Variants in LIN7A observed in about 807,000 individuals in gnomAD.
LIN7A encodes protein lin-7 homolog A.
In LIN7A, 25 loss-of-function variants were observed where a neutral mutation model predicts 29.8. The ratio of observed to expected loss-of-function variants is 0.84; its 90% confidence interval spans 0.61 to 1.17. The LOEUF (loss-of-function observed/expected upper bound fraction) is 1.17. Among genes scored for constraint, LIN7A ranks in the 50% most tolerant of loss-of-function variants. The pLI is 0.00. For missense variants in LIN7A, 239 were observed against 287.0 expected, an observed-to-expected ratio of 0.83 and a Z score of 1.21; for synonymous variants, 118 against 107.5, an observed-to-expected ratio of 1.10 and a Z score of -0.60.
intron 3 of LIN7A, among the ~76,000 whole-genome samples, chr12:80,846,974 A>C (rs10862202): frequency 0.41 from 62,265 of 152,078 alleles, 13,288 homozygotes; most frequent in East Asian, 0.68. Context: ...CAACGACTGT[A>C]CCTTCTTTTC....
intron 1 of LIN7A, among the ~76,000 whole-genome samples, chr12:80,891,496 G>T (rs190230142): frequency 1.3e-4 from 20 of 152,270 alleles, no homozygotes; most frequent in Admixed American, 1.1e-3. Context: ...TTTGGCACAT[G>T]TCATCACCTG....
intron 4 of LIN7A, among the ~76,000 whole-genome samples, chr12:80,820,564 C>A (rs1453327641): frequency 6.6e-6 from 1 of 151,626 alleles, no homozygotes; most frequent in Non-Finnish European, 1.5e-5. Context: ...ATAGTAACTG[C>A]TTGATCCTTG....
At chr12:80,924,860 T>G (rs971202399) in intron 1 of LIN7A, among the ~76,000 whole-genome samples, 3 of 152,226 alleles carry the variant, frequency 2.0e-5, no homozygotes, top group East Asian at 3.8e-4. Context: ...GAACTATCAC[T>G]GAATCTCAAA....
chr12:80,902,000 G>A (rs2120737840), intron 1 of LIN7A, among the ~76,000 whole-genome samples: 1 of 152,098 alleles, frequency 6.6e-6, no homozygotes, highest in East Asian at 1.9e-4. Flanking sequence ...CTACAGGGCA[G>A]TATAAAAGAT....
At chr12:80,876,844 G>A (rs77038508) in intron 2 of LIN7A, among the ~76,000 whole-genome samples, 8,205 of 152,136 alleles carry the variant, frequency 0.054, 250 homozygotes, top group Admixed American at 0.095. Flanking sequence ...ATTCTTGGCC[G>A]GGCGCGGTGG....
intron 1 of LIN7A, among the ~76,000 whole-genome samples, chr12:80,914,157 T>C (rs1876912878): frequency 6.6e-6 from 1 of 152,178 alleles, no homozygotes; most frequent in Non-Finnish European, 1.5e-5. Context: ...CAAGTTAAGA[T>C]CAGATCATAC....
intron 1 of LIN7A, among the ~76,000 whole-genome samples, chr12:80,915,465 G>T (rs189897930): frequency 2.0e-5 from 3 of 152,252 alleles, no homozygotes; most frequent in East Asian, 3.9e-4. Flanking sequence ...ATAGTTTGGG[G>T]GCTTCTCAAA....
At chr12:80,820,756 T>C (rs745756075) in intron 4 of LIN7A, among the ~76,000 whole-genome samples, 10 of 152,166 alleles carry the variant, frequency 6.6e-5, no homozygotes, top group Non-Finnish European at 1.5e-4. Context: ...TAAATCAGTC[T>C]ACTAATTCTT....
chr12:80,876,914 G>C (rs1467765355), intron 2 of LIN7A, among the ~76,000 whole-genome samples: 1 of 152,004 alleles, frequency 6.6e-6, no homozygotes, highest in Non-Finnish European at 1.5e-5. Context: ...CTGAGGTCAG[G>C]AGTTCGAGAC....
At chr12:80,919,993 G>A (rs1235035589) in intron 1 of LIN7A, among the ~76,000 whole-genome samples, 1 of 152,186 alleles carries the variant, frequency 6.6e-6, no homozygotes, top group Non-Finnish European at 1.5e-5. Flanking sequence ...CATGTGCACA[G>A]TGGAGCACCT....
chr12:80,867,975 G>A (rs1438164610), intron 2 of LIN7A, among the ~76,000 whole-genome samples: 1 of 152,038 alleles, frequency 6.6e-6, no homozygotes, highest in Non-Finnish European at 1.5e-5. Context: ...TATAGTTAAG[G>A]TTTAGAGTCC....
intron 4 of LIN7A, among the ~76,000 whole-genome samples, chr12:80,842,894 C>T (rs920239065): frequency 1.3e-5 from 2 of 152,048 alleles, no homozygotes; most frequent in Non-Finnish European, 2.9e-5. Flanking sequence ...TATAGTTTGA[C>T]TATATGAATG....
At chr12:80,866,813 C>T (rs541116985) in intron 2 of LIN7A, among the ~76,000 whole-genome samples, 2 of 152,232 alleles carry the variant, frequency 1.3e-5, no homozygotes, top group African/African-American at 4.8e-5. Context: ...CAGGTTTTTA[C>T]ACCTCTGGAA....
intron 1 of LIN7A, among the ~76,000 whole-genome samples, chr12:80,921,033 T>C (rs1877274617): frequency 6.6e-6 from 1 of 152,126 alleles, no homozygotes; most frequent in Non-Finnish European, 1.5e-5. Context: ...CCTGAATGTG[T>C]CCCTCCAAAA....
chr12:80,866,610 C>G (rs756077858), intron 2 of LIN7A, among the ~76,000 whole-genome samples: 5 of 152,158 alleles, frequency 3.3e-5, no homozygotes, highest in Non-Finnish European at 7.3e-5. Context: ...GGCTCCCACC[C>G]CAACATTCTG....
chr12:80,901,106 C>T (rs1224207667), intron 1 of LIN7A, among the ~76,000 whole-genome samples: 1 of 152,120 alleles, frequency 6.6e-6, no homozygotes, highest in Non-Finnish European at 1.5e-5. Context: ...ATGATGGGCA[C>T]TTAGGCACTA....
chr12:80,896,078 C>T (rs918313465), intron 1 of LIN7A, among the ~76,000 whole-genome samples: 6 of 152,114 alleles, frequency 3.9e-5, no homozygotes, highest in Admixed American at 3.9e-4. Flanking sequence ...ACTGGAATAA[C>T]CTATAGTGGT....
intron 2 of LIN7A, among the ~76,000 whole-genome samples, chr12:80,855,992 C>T (rs886111759): frequency 6.6e-6 from 1 of 151,978 alleles, no homozygotes; most frequent in African/African-American, 2.4e-5. Flanking sequence ...TTTCTATATG[C>T]TTTTGTAACT....
In LIN7A at chr12:80,794,692, T is replaced by C. The variant is rs1236011951; in HGVS notation, c.*3035A>G. 6.6e-6 allele frequency: 1 copy of C among 152,166 alleles called. No homozygotes were observed. Among genetic ancestry groups the C allele is most frequent in the Admixed American group, 6.5e-5 (1 of 15,270 alleles). The allele number at this position is 152,166 out of a possible 1,614,324, so 9.4% of individuals were successfully genotyped here. On this transcript the variant is annotated 3_prime_UTR_variant, in exon 6 of 6. Transcript: ENST00000552864. ...GCTAGATTTTGCATTTAGATCTAAG[T>C]ATTGTCTTAAAAGACTGTGATTGTT... is the stretch of plus-strand genomic sequence containing the variant.
Sources: gnomAD v4.1 joint callset for allele counts (sites outside exome capture counted in the v4.1 genomes callset) on GRCh38, gnomAD v4.1.1 for gene constraint, MANE v1.5 for transcripts, NCBI Gene and HGNC (gene_info 2026-07-23, HGNC 2026-07-21) for gene names.